TRPC4AP: variants seen among roughly 807,000 people sequenced by gnomAD.
TRPC4AP encodes short transient receptor potential channel 4-associated protein.
Under a neutral mutation model 99.0 loss-of-function variants are expected in TRPC4AP, and 45 were observed. That is an observed-to-expected ratio of 0.45 (90% CI 0.36 to 0.58). The LOEUF is 0.58. Ranked by LOEUF, TRPC4AP falls within the 20% of genes least tolerant of loss-of-function variation. TRPC4AP has a pLI of 0.00. For missense variants in TRPC4AP, 879 were observed against 985.3 expected, an observed-to-expected ratio of 0.89 and a Z score of 1.44; for synonymous variants, 408 against 385.8, an observed-to-expected ratio of 1.06 and a Z score of -0.67.
Position 35,003,283 on chromosome 20 carries a change from T to C in TRPC4AP, c.2257A>G (p.Ser753Gly). 1 of 1,613,688 alleles carries C rather than the reference T, an allele frequency of 6.2e-7. No homozygotes were observed. Among genetic ancestry groups the C allele is most frequent in the Non-Finnish European group, 8.5e-7 (1 of 1,179,874 alleles). Residue 753 changes from serine (S) to glycine (G), a missense_variant and splice_region_variant, in exon 19 of 19, where the codon AGC becomes GGC. Transcript: ENST00000252015. Reference protein sequence around the residue: ...KDKDSTCLENSSCISFSYWKE... With the variant: ...KDKDSTCLENGSCISFSYWKE... ...CAGTATGAGAAGCTGATGCAGGAGCTCTGGGCAAAGAGGGAGGGGCTGGGG... is the reference window on the plus strand; with the variant it reads ...CAGTATGAGAAGCTGATGCAGGAGCCCTGGGCAAAGAGGGAGGGGCTGGGG...
intron 3 of TRPC4AP, among the ~76,000 whole-genome samples, chr20:35,067,184 AAT>A (rs2084166341): frequency 6.6e-6 from 1 of 152,224 alleles, no homozygotes; most frequent in African/African-American, 2.4e-5. Flanking sequence ...CACTCACTAG[AAT>A]GGCTGTAATC....
chr20:35,018,625 A>G (rs1258707625), intron 9 of TRPC4AP, among the ~76,000 whole-genome samples: 1 of 143,642 alleles, frequency 7.0e-6, no homozygotes, highest in African/African-American at 2.9e-5. Flanking sequence ...AAAAAAAAAA[A>G]AGAAAGAAAG....
At chr20:35,004,435 G>A (rs762600122) in intron 17 of TRPC4AP, 23 bp downstream of exon 17, 1 of 1,598,928 alleles carries the variant, frequency 6.3e-7, no homozygotes, top group Non-Finnish European at 8.5e-7. Flanking sequence ...CTTCCCTGCT[G>A]TGTGTCTGCC....
chr20:35,020,641 G>A (rs962741579), intron 9 of TRPC4AP, among the ~76,000 whole-genome samples: 2 of 152,060 alleles, frequency 1.3e-5, no homozygotes, highest in Non-Finnish European at 2.9e-5. Flanking sequence ...AGAAGGGCGC[G>A]GTCTGCAGGA....
At chr20:35,037,753 A>G (rs1336008373) in intron 7 of TRPC4AP, among the ~76,000 whole-genome samples, 1 of 152,228 alleles carries the variant, frequency 6.6e-6, no homozygotes, top group Non-Finnish European at 1.5e-5. Context: ...TGGTGCCATC[A>G]GATTATAATA....
chr20:35,075,602 T>G (rs935733461), intron 2 of TRPC4AP, among the ~76,000 whole-genome samples: 3 of 152,244 alleles, frequency 2.0e-5, no homozygotes, highest in Non-Finnish European at 4.4e-5. Flanking sequence ...CTCTTCTGGC[T>G]TGTAGAGTTT....
intron 3 of TRPC4AP, among the ~76,000 whole-genome samples, chr20:35,068,978 C>CACAA (rs748790693): frequency 2.8e-4 from 27 of 95,188 alleles, no homozygotes; most frequent in Middle Eastern, 5.1e-3. Flanking sequence ...CACACACACA[C>CACAA]AAAAAAAACA....
chr20:35,028,179 T>C (rs963730166), intron 8 of TRPC4AP, among the ~76,000 whole-genome samples: 1 of 151,692 alleles, frequency 6.6e-6, no homozygotes, highest in African/African-American at 2.4e-5. Context: ...GTTTGATATA[T>C]AGTATCATTT....
At chr20:35,043,884 T>C (rs1286439761) in intron 7 of TRPC4AP, among the ~76,000 whole-genome samples, 1 of 152,154 alleles carries the variant, frequency 6.6e-6, no homozygotes, top group Non-Finnish European at 1.5e-5. Flanking sequence ...TGTCTATACA[T>C]CATTATCTAT....
At chr20:35,029,535 A>G (rs980271375) in intron 8 of TRPC4AP, among the ~76,000 whole-genome samples, 3 of 142,234 alleles carry the variant, frequency 2.1e-5, no homozygotes, top group Non-Finnish European at 3.1e-5. Context: ...TTGTTCCTCT[A>G]TATCTCCTTT....
intron 5 of TRPC4AP, among the ~76,000 whole-genome samples, chr20:35,052,147 G>T (rs2083717224): frequency 6.7e-6 from 1 of 149,486 alleles, no homozygotes; most frequent in South Asian, 2.1e-4. Context: ...CCCAGGCTGA[G>T]TGAGTACACT....
At chr20:35,066,687 T>C (rs1190709543) in intron 3 of TRPC4AP, among the ~76,000 whole-genome samples, 1 of 152,068 alleles carries the variant, frequency 6.6e-6, no homozygotes, top group East Asian at 1.9e-4. Context: ...AATCCAACAG[T>C]GGGAAAGGCA....
chr20:35,029,566 T>C (rs2083118379), intron 8 of TRPC4AP, among the ~76,000 whole-genome samples: 1 of 151,592 alleles, frequency 6.6e-6, no homozygotes, highest in Non-Finnish European at 1.5e-5. Flanking sequence ...TTGATTAATA[T>C]TTTCTAGTAT....
chr20:35,024,854 A>C lies in TRPC4AP; in HGVS notation c.1052-3498T>G, dbSNP rs7362225. ...AAAAAAAAAAAAAAAAAAAAAAAAAAATTCTGTTTATTCATTAATCAGGTG... is the reference window on the plus strand; with the variant it reads ...AAAAAAAAAAAAAAAAAAAAAAAAACATTCTGTTTATTCATTAATCAGGTG... On this transcript the variant is annotated intron_variant, in intron 8 of 18. Transcript: ENST00000252015. 9.9e-4 allele frequency among the ~76,000 whole-genome samples: 89 copies of C among 89,450 alleles called. 4 individuals carry two copies. The highest frequency in any genetic ancestry group is 3.1e-3 in the East Asian group (7 of 2,278). 58.7% of individuals were successfully genotyped at this position (89,450 alleles called of 152,430 possible). A position where few individuals can be genotyped will look rare whatever the true frequency, so the allele number is the denominator to read the frequency against.
At chr20:35,086,894 A>G (rs2084899637) in intron 1 of TRPC4AP, among the ~76,000 whole-genome samples, 1 of 151,810 alleles carries the variant, frequency 6.6e-6, no homozygotes, top group Non-Finnish European at 1.5e-5. Flanking sequence ...GTAGCCGGGC[A>G]TGGTGGCACA....
chr20:35,078,539 G>A (rs2084545462), intron 1 of TRPC4AP, among the ~76,000 whole-genome samples: 1 of 152,078 alleles, frequency 6.6e-6, no homozygotes, highest in African/African-American at 2.4e-5. Context: ...CATATAAACT[G>A]CTCAGTTAAG....
chr20:35,024,836 A>C lies in TRPC4AP; in HGVS notation c.1052-3480T>G, dbSNP rs34344985. ...GAGAGAGACCGTCTCAAAAAAAAAA[A>C]AAAAAAAAAAAAAAAAAAATTCTGT... is the stretch of plus-strand genomic sequence containing the variant. On this transcript the variant is annotated intron_variant, in intron 8 of 18. Transcript: ENST00000252015. Among the ~76,000 whole-genome samples the C allele has an allele frequency of 2.5e-4, 18 of 71,560 alleles. 1 individual carries two copies. Among genetic ancestry groups the C allele is most frequent in the South Asian group, 5.5e-4 (1 of 1,824 alleles). 46.9% of individuals were successfully genotyped at this position (71,560 alleles called of 152,430 possible). A position where few individuals can be genotyped will look rare whatever the true frequency, so the allele number is the denominator to read the frequency against.
intron 3 of TRPC4AP, among the ~76,000 whole-genome samples, chr20:35,066,879 A>G (rs750084852): frequency 6.6e-6 from 1 of 152,172 alleles, no homozygotes; most frequent in Non-Finnish European, 1.5e-5. Context: ...AGGACAAATA[A>G]TCAAATCGAA....
At chr20:35,073,826 A>G (rs2084392925) in intron 2 of TRPC4AP, among the ~76,000 whole-genome samples, 1 of 152,190 alleles carries the variant, frequency 6.6e-6, no homozygotes, top group African/African-American at 2.4e-5. Context: ...ATTGATTGGA[A>G]TAGCTTCAGA....
Sources: allele counts gnomAD v4.1 joint callset (sites outside exome capture counted in the v4.1 genomes callset), GRCh38; gene constraint gnomAD v4.1.1; transcripts MANE v1.5; gene names NCBI Gene and HGNC (gene_info 2026-07-23, HGNC 2026-07-21).